The following SHISAL2B variants were observed in gnomAD, a reference collection of about 807,000 sequenced individuals.
The protein encoded by SHISAL2B is shisa like 2B, also known as protein shisa-like-2B.
A neutral mutation model predicts 16.5 loss-of-function variants in SHISAL2B; 12 were observed. The ratio of observed to expected loss-of-function variants is 0.73; its 90% CI spans 0.47 to 1.18. The LOEUF (loss-of-function observed/expected upper bound fraction) is 1.18, where lower values mean the gene tolerates loss of function less well. SHISAL2B is among the 50% of genes most tolerant of loss of function. The probability of loss-of-function intolerance (pLI) is 0.00; values close to 1 mark genes in which losing one functional copy is unlikely to be tolerated. For synonymous variants in SHISAL2B, 72 were observed against 75.0 expected (o/e 0.96, Z 0.21); for missense variants, 183 against 193.6 (o/e 0.95, Z 0.33).
intron 2 of SHISAL2B, among the ~76,000 whole-genome samples, chr5:64,702,405 G>A (rs1741822003): frequency 6.6e-6 from 1 of 152,054 alleles, no homozygotes; most frequent in Non-Finnish European, 1.5e-5. Flanking sequence ...TCTCTATGTT[G>A]GTCAGGCTGG....
At chr5:64,712,601 T>A (rs931511518) in intron 2 of SHISAL2B, among the ~76,000 whole-genome samples, 3 of 151,224 alleles carry the variant, frequency 2.0e-5, no homozygotes, top group African/African-American at 7.3e-5. Context: ...CCTTGTTGAC[T>A]TTCTGTCTCG....
At chr5:64,694,125 G>T (rs1741694829) in intron 1 of SHISAL2B, 1 of 455,068 alleles carries the variant, frequency 2.2e-6, no homozygotes, top group Non-Finnish European at 4.4e-6. Context: ...AGAAAGAGCA[G>T]AAGCCTAAAG....
intron 1 of SHISAL2B, among the ~76,000 whole-genome samples, chr5:64,695,114 A>C (rs1741713739): frequency 6.6e-6 from 1 of 152,016 alleles, no homozygotes; most frequent in African/African-American, 2.4e-5. Context: ...AAATACAAAA[A>C]ATTAACTGGG....
intron 2 of SHISAL2B, among the ~76,000 whole-genome samples, chr5:64,708,616 T>C (rs975031208): frequency 3.3e-5 from 5 of 152,202 alleles, no homozygotes; most frequent in African/African-American, 9.6e-5. Flanking sequence ...TCCATAAACC[T>C]TGTATATTAT....
intron 2 of SHISAL2B, among the ~76,000 whole-genome samples, chr5:64,696,711 G>T (rs938622079): frequency 6.6e-6 from 1 of 152,152 alleles, no homozygotes; most frequent in South Asian, 2.1e-4. Flanking sequence ...CCCCACCCTG[G>T]TGAATTTGAG....
At chr5:64,693,206 ACCATGTTAG>A (rs1490432833) in intron 1 of SHISAL2B, among the ~76,000 whole-genome samples, 27 of 152,030 alleles carry the variant, frequency 1.8e-4, no homozygotes, top group Non-Finnish European at 3.2e-4. Flanking sequence ...ACGGGGTTTC[ACCATGTTAG>A]CCAGGATGGT....
intron 2 of SHISAL2B, among the ~76,000 whole-genome samples, chr5:64,714,057 A>G (rs1005643497): frequency 6.1e-5 from 9 of 148,316 alleles, no homozygotes; most frequent in Non-Finnish European, 1.2e-4. Context: ...ATCATTCTCC[A>G]TCCAGCTTTG....
chr5:64,702,203 T>G (rs1409863013), intron 2 of SHISAL2B, among the ~76,000 whole-genome samples: 1 of 150,014 alleles, frequency 6.7e-6, no homozygotes, highest in Non-Finnish European at 1.5e-5. Flanking sequence ...TCTAATATAG[T>G]TAATTTTTTT....
At chr5:64,709,892 T>C (rs1456191791) in intron 2 of SHISAL2B, among the ~76,000 whole-genome samples, 1 of 152,172 alleles carries the variant, frequency 6.6e-6, no homozygotes, top group African/African-American at 2.4e-5. Flanking sequence ...GGTTGTTTTT[T>C]TTCTTGTAAA....
intron 1 of SHISAL2B, among the ~76,000 whole-genome samples, chr5:64,694,937 A>G (rs757559785): frequency 7.2e-5 from 11 of 152,152 alleles, no homozygotes; most frequent in Non-Finnish European, 1.6e-4. Flanking sequence ...CCTTTAACCT[A>G]TAATATGAAC....
chr5:64,717,624 G>GTAGT (rs902210859), intron 2 of SHISAL2B, among the ~76,000 whole-genome samples: 6 of 152,228 alleles, frequency 3.9e-5, no homozygotes, highest in African/African-American at 1.4e-4. Flanking sequence ...TATCAGATGT[G>GTAGT]TAGTTATTTT....
At chr5:64,711,302 G>T (rs1176831112) in intron 2 of SHISAL2B, among the ~76,000 whole-genome samples, 1 of 147,620 alleles carries the variant, frequency 6.8e-6, no homozygotes, top group Non-Finnish European at 1.5e-5. Flanking sequence ...TAATCATGTG[G>T]TTTTTGTCTT....
intron 1 of SHISAL2B, among the ~76,000 whole-genome samples, chr5:64,693,057 G>C (rs1741675929): frequency 6.6e-6 from 1 of 151,744 alleles, no homozygotes; most frequent in Non-Finnish European, 1.5e-5. Context: ...GCCCAGGCTG[G>C]AGTGCAGTGG....
chr5:64,699,178 A>G (rs1438823035), intron 2 of SHISAL2B, among the ~76,000 whole-genome samples: 1 of 152,210 alleles, frequency 6.6e-6, no homozygotes, highest in Non-Finnish European at 1.5e-5. Flanking sequence ...AAATTGACAA[A>G]TCAATTCAGT....
At chr5:64,695,201 G>T (rs569520011) in intron 1 of SHISAL2B, among the ~76,000 whole-genome samples, 2 of 150,492 alleles carry the variant, frequency 1.3e-5, no homozygotes, top group East Asian at 3.9e-4. Flanking sequence ...GGAGGCGGAG[G>T]TTGCAGTGAT....
At chr5:64,704,446 A>G (rs1317900667) in intron 2 of SHISAL2B, among the ~76,000 whole-genome samples, 1 of 152,262 alleles carries the variant, frequency 6.6e-6, no homozygotes, top group Non-Finnish European at 1.5e-5. Flanking sequence ...ATGCCAGTCT[A>G]GGAAGTATAG....
intron 2 of SHISAL2B, among the ~76,000 whole-genome samples, chr5:64,713,506 C>G (rs1741988846): frequency 8.8e-6 from 1 of 113,772 alleles, no homozygotes; most frequent in Non-Finnish European, 1.7e-5. Context: ...GTGAATCTGA[C>G]AATTATGTGT....
intron 2 of SHISAL2B, among the ~76,000 whole-genome samples, chr5:64,715,544 T>C (rs929683384): frequency 1.3e-5 from 2 of 152,268 alleles, no homozygotes; most frequent in Middle Eastern, 3.4e-3. Flanking sequence ...AAAACAGGAC[T>C]TGTGGGTCTC....
At chr5:64,705,810 G>T (rs1741868097) in intron 2 of SHISAL2B, among the ~76,000 whole-genome samples, 1 of 152,200 alleles carries the variant, frequency 6.6e-6, no homozygotes, top group Non-Finnish European at 1.5e-5. Flanking sequence ...CCCAAGGTGG[G>T]TGGGGATACA....
Sources: gnomAD v4.1 joint callset for allele counts (sites outside exome capture counted in the v4.1 genomes callset) on GRCh38, gnomAD v4.1.1 for gene constraint, MANE v1.5 for transcripts, NCBI Gene and HGNC (gene_info 2026-07-23, HGNC 2026-07-21) for gene names.